The following GRIA3 variants were observed in gnomAD, a reference collection of about 807,000 sequenced individuals.
The protein encoded by GRIA3 is glutamate receptor 3.
GRIA3 carries 3 observed loss-of-function variants against 63.0 expected under a neutral mutation model. The ratio of observed to expected loss-of-function variants is 0.05; its 90% CI spans 0.02 to 0.12. The LOEUF is 0.12. GRIA3 is among the 10% of genes least tolerant of loss of function. GRIA3 has a pLI of 1.00. For missense variants in GRIA3, 347 were observed against 700.9 expected, an observed-to-expected ratio of 0.50 and a Z score of 5.70; for synonymous variants, 274 against 257.9, an observed-to-expected ratio of 1.06 and a Z score of -0.60.
In GRIA3 at chrX:123,484,898, T is replaced by C. The variant is rs368537191; in HGVS notation, c.*2+1852T>C. On this transcript the variant is annotated intron_variant, in intron 15 of 15. Transcript: ENST00000620443. Reference sequence around the variant, plus strand: ...CTTGGTCATGGAAAACATAATTTTGTCCAGTGAAGTTGCTGGTTGTTCCTT... The same window carrying C: ...CTTGGTCATGGAAAACATAATTTTGCCCAGTGAAGTTGCTGGTTGTTCCTT... Among the ~76,000 whole-genome samples the C allele has an allele frequency of 1.2e-3, 140 of 112,907 alleles. 3 individuals are homozygous for C. The East Asian group carries it at 0.029, about 23-fold the overall frequency.
intron 8 of GRIA3, 104 bp downstream of exon 8, chrX:123,403,202 T>C (rs2045452308): frequency 3.3e-6 from 2 of 603,959 alleles, no homozygotes; most frequent in Non-Finnish European, 5.7e-6. Context: ...TCAGTAAGGA[T>C]GAGTGGGAGA....
chrX:123,390,762 C>G (rs1254374223), intron 5 of GRIA3, among the ~76,000 whole-genome samples: 1 of 111,720 alleles, frequency 9.0e-6, no homozygotes, highest in Non-Finnish European at 1.9e-5. Flanking sequence ...TTCTGGGACA[C>G]TAAAAATTCA....
At chrX:123,413,097 C>A (rs2045515794) in intron 10 of GRIA3, among the ~76,000 whole-genome samples, 1 of 111,277 alleles carries the variant, frequency 9.0e-6, no homozygotes, top group South Asian at 3.8e-4. Flanking sequence ...AACAAAAAGT[C>A]CTGCTTTATC....
Position 123,273,112 on chromosome X carries a change from G to A in GRIA3, c.508+19570G>A, listed in dbSNP as rs755917767. On this transcript the variant is annotated intron_variant, in intron 3 of 15. Coordinates refer to ENST00000620443, the MANE Select transcript of GRIA3 (RefSeq NM_007325.5). ...AGAGCTGGCAGTTTATTTGGTAGTC[G>A]GGGGAGGAAGTCACAGCTTTCTTTG... 1.1e-4 allele frequency among the ~76,000 whole-genome samples: 12 copies of A among 111,630 alleles called. 1 individual carries two copies. The South Asian group carries it at 2.7e-3, about 25-fold the overall frequency.
intron 13 of GRIA3, among the ~76,000 whole-genome samples, chrX:123,479,830 A>G (rs756488948): frequency 1.8e-5 from 2 of 111,751 alleles, no homozygotes; most frequent in East Asian, 5.6e-4. Flanking sequence ...TATCCTCATT[A>G]TTTAACAGTG....
At chrX:123,452,646 C>T (rs989291952) in intron 12 of GRIA3, among the ~76,000 whole-genome samples, 2 of 112,055 alleles carry the variant, frequency 1.8e-5, no homozygotes, top group African/African-American at 6.5e-5. Flanking sequence ...TTGAACTTCT[C>T]TTTTGAATAT....
intron 12 of GRIA3, among the ~76,000 whole-genome samples, chrX:123,441,195 A>C (rs2045672156): frequency 8.9e-6 from 1 of 112,238 alleles, no homozygotes; most frequent in African/African-American, 3.2e-5. Context: ...AAAACAATGA[A>C]CAATAAGACC....
At chrX:123,392,014 G>C (rs934568318) in intron 5 of GRIA3, among the ~76,000 whole-genome samples, 1 of 112,147 alleles carries the variant, frequency 8.9e-6, no homozygotes, top group Non-Finnish European at 1.9e-5. Context: ...GGTGGTGCAC[G>C]TGGGTGCTGG....
chrX:123,209,843 T>C (rs1216539023), intron 2 of GRIA3, among the ~76,000 whole-genome samples: 2 of 110,719 alleles, frequency 1.8e-5, no homozygotes, highest in African/African-American at 6.6e-5. Context: ...AGGTACTGAG[T>C]CCATATGCCT....
rs1483865431 is a variant in GRIA3 at position 123,260,477 on chromosome X, A to AAAGAAAGAAAGAAAG, written c.508+6938_508+6952dup. Among the ~76,000 whole-genome samples the AAAGAAAGAAAGAAAG allele has an allele frequency of 1.4e-4, 2 of 14,129 alleles. 1 individual carries two copies. Among genetic ancestry groups the AAAGAAAGAAAGAAAG allele is most frequent in the African/African-American group, 3.8e-4 (2 of 5,202 alleles). 12.3% of individuals were successfully genotyped at this position (14,129 alleles called of 115,157 possible). ...GAAAGAAAGGAAGGAAGAAGAAAGGAAAGAAAGAAAGAAAGAAAGAAAGAA... is the reference window on the plus strand; with the variant it reads ...GAAAGAAAGGAAGGAAGAAGAAAGGAAAGAAAGAAAGAAAGAAGAAAGAAAGAAAGAAAGAAAGAA... On this transcript the variant is annotated intron_variant, in intron 3 of 15. Coordinates refer to ENST00000620443, the MANE Select transcript of GRIA3 (RefSeq NM_007325.5).
Position 123,184,381 on chromosome X carries a change from G to A in GRIA3, c.-155G>A. Reference sequence around the variant, plus strand: ...AGAGGAGGCGGCGGCAGCGGAGGAGGAGGAGGACTAGTGTGGGGTGGAAAG... The same window carrying A: ...AGAGGAGGCGGCGGCAGCGGAGGAGAAGGAGGACTAGTGTGGGGTGGAAAG... On this transcript the variant is annotated 5_prime_UTR_variant, in exon 1 of 16. Transcript: ENST00000620443. 1 of 514,096 alleles carries A rather than the reference G, an allele frequency of 1.9e-6. No homozygotes were observed. Among genetic ancestry groups the A allele is most frequent in the East Asian group, 3.5e-5 (1 of 28,279 alleles). 42.4% of individuals were successfully genotyped at this position (514,096 alleles called of 1,213,427 possible). A position where few individuals can be genotyped will look rare whatever the true frequency, so the allele number is the denominator to read the frequency against.
At chrX:123,189,431 G>A (rs750001812) in intron 2 of GRIA3, among the ~76,000 whole-genome samples, 5 of 112,372 alleles carry the variant, frequency 4.4e-5, no homozygotes, top group Non-Finnish European at 7.5e-5. Context: ...TGCTGTCCTG[G>A]TTCCTCAGGA....
chrX:123,379,710 T>G (rs1181070324), intron 5 of GRIA3, among the ~76,000 whole-genome samples: 1 of 102,231 alleles, frequency 9.8e-6, no homozygotes, highest in Non-Finnish European at 2.0e-5. Flanking sequence ...TTGTTACATA[T>G]GTATACATGT....
At chrX:123,344,637 T>C (rs1288255061) in intron 4 of GRIA3, among the ~76,000 whole-genome samples, 1 of 111,814 alleles carries the variant, frequency 8.9e-6, no homozygotes, top group Admixed American at 9.5e-5. Flanking sequence ...CAAATCTTTG[T>C]CTCAGGGTCT....
chrX:123,257,708 A>G (rs1440992035), intron 3 of GRIA3, among the ~76,000 whole-genome samples: 2 of 111,831 alleles, frequency 1.8e-5, no homozygotes, highest in African/African-American at 6.5e-5. Context: ...GAGAAACAGA[A>G]GAGAACACCT....
chrX:123,349,007 C>T (rs1174959410), intron 4 of GRIA3, among the ~76,000 whole-genome samples: 2 of 111,862 alleles, frequency 1.8e-5, no homozygotes, highest in Admixed American at 1.9e-4. Flanking sequence ...TTCAGTGACA[C>T]CTAGATGAAT....
Position 123,482,708 on chromosome X carries a change from T to C in GRIA3, c.2440-91T>C, listed in dbSNP as rs754911101. 4 of 1,004,518 alleles carry C rather than the reference T, an allele frequency of 4.0e-6. No homozygotes were observed. The African/African-American group carries it at 7.5e-5, about 19-fold the overall frequency. 82.8% of individuals were successfully genotyped at this position (1,004,518 alleles called of 1,213,427 possible). On this transcript the variant is annotated intron_variant, in intron 14 of 15. Coordinates refer to ENST00000620443, the MANE Select transcript of GRIA3 (RefSeq NM_007325.5). ...ACATCAATGTTTAGTTATTTTACAA[T>C]TTAGAACTCCCCTGTACTGTTGTAA...
chrX:123,259,603 A>G (rs1326809222), intron 3 of GRIA3, among the ~76,000 whole-genome samples: 1 of 111,923 alleles, frequency 8.9e-6, no homozygotes, highest in East Asian at 2.8e-4. Context: ...TGATAAGAGC[A>G]ACTGCCATTT....
chrX:123,416,642 C>A (rs1256667216), intron 10 of GRIA3, among the ~76,000 whole-genome samples: 1 of 113,042 alleles, frequency 8.8e-6, no homozygotes, highest in Non-Finnish European at 1.9e-5. Context: ...GAGTGCTACA[C>A]TGATATTATC....
Sources: allele counts gnomAD v4.1 joint callset (sites outside exome capture counted in the v4.1 genomes callset), GRCh38; gene constraint gnomAD v4.1.1; transcripts MANE v1.5; gene names NCBI Gene and HGNC (gene_info 2026-07-23, HGNC 2026-07-21).